AHCYL2: variants seen among roughly 807,000 people sequenced by gnomAD.
AHCYL2 encodes S-adenosylhomocysteine hydrolase-like protein 2.
A neutral mutation model predicts 81.4 loss-of-function variants in AHCYL2; 28 were observed. The ratio of observed to expected loss-of-function variants is 0.34; its 90% CI spans 0.25 to 0.47. AHCYL2 has a LOEUF of 0.47. AHCYL2 is among the 20% of genes least tolerant of loss of function. The pLI is 1.00. For missense variants in AHCYL2, 551 were observed against 785.1 expected (o/e 0.70, Z 3.56); for synonymous variants, 272 against 290.2 (o/e 0.94, Z 0.64).
At chr7:129,254,346 AT>A (rs1354081127) in intron 1 of AHCYL2, among the ~76,000 whole-genome samples, 1 of 152,142 alleles carries the variant, frequency 6.6e-6, no homozygotes, top group Non-Finnish European at 1.5e-5. Flanking sequence ...CAACAACATA[AT>A]TTTACCTTTG....
chr7:129,233,307 C>T (rs1426619168), intron 1 of AHCYL2, among the ~76,000 whole-genome samples: 2 of 152,050 alleles, frequency 1.3e-5, no homozygotes, highest in African/African-American at 4.8e-5. Flanking sequence ...GTCTCAGCCT[C>T]CTGAGTAGCC....
At chr7:129,244,438 A>G (rs1032386024) in intron 1 of AHCYL2, among the ~76,000 whole-genome samples, 3 of 152,114 alleles carry the variant, frequency 2.0e-5, no homozygotes, top group Non-Finnish European at 2.9e-5. Context: ...AATACCATAG[A>G]TAGGGAGGCT....
chr7:129,370,928 T>G (rs890634081), intron 1 of AHCYL2, among the ~76,000 whole-genome samples: 2 of 152,214 alleles, frequency 1.3e-5, no homozygotes, highest in African/African-American at 2.4e-5. Flanking sequence ...TTTGAGGCTT[T>G]CTTTCAGATA....
rs959884383 is a variant in AHCYL2, at chr7:129,397,264, T to C, written c.763T>C (p.Trp255Arg). The change falls in exon 5 of 17, where the codon TGG becomes CGG. Residue 255 changes from tryptophan to arginine, a missense_variant. Coordinates refer to ENST00000325006, the MANE Select transcript of AHCYL2 (RefSeq NM_015328.4). ...GGGTGCTCTGGGGGCCCAGTGCCGA[T>C]GGGCTGCCTGCAACATCTATTCCAC... ...TLGALGAQCRWAACNIYSTLN... is the reference protein window; with the variant it reads ...TLGALGAQCRRAACNIYSTLN... 6.2e-7 allele frequency: 1 copy of C among 1,614,194 alleles called. No individual in the cohort carries two copies. Among genetic ancestry groups the C allele is most frequent in the Non-Finnish European group, 8.5e-7 (1 of 1,180,022 alleles).
intron 1 of AHCYL2, among the ~76,000 whole-genome samples, chr7:129,338,207 GGCTGGAGTTCA>G (rs1467194482): frequency 1.3e-5 from 2 of 151,868 alleles, no homozygotes; most frequent in Non-Finnish European, 2.9e-5. Flanking sequence ...CTGTCACTCA[GGCTGGAGTTCA>G]GCTTACTATA....
chr7:129,251,648 T>C (rs1364514630), intron 1 of AHCYL2, among the ~76,000 whole-genome samples: 1 of 152,206 alleles, frequency 6.6e-6, no homozygotes, highest in Non-Finnish European at 1.5e-5. Context: ...TGTGCGCCAC[T>C]GTGCCTGGCC....
intron 4 of AHCYL2, among the ~76,000 whole-genome samples, chr7:129,395,058 T>C (rs1339531848): frequency 6.6e-6 from 1 of 152,138 alleles, no homozygotes; most frequent in Non-Finnish European, 1.5e-5. Context: ...GGTAGTATAT[T>C]AGTTTTCGTT....
chr7:129,284,148 G>C (rs1796543728), intron 1 of AHCYL2, among the ~76,000 whole-genome samples: 1 of 152,178 alleles, frequency 6.6e-6, no homozygotes, highest in African/African-American at 2.4e-5. Flanking sequence ...AATTCTGTTA[G>C]TGGAAGTAAT....
In AHCYL2 at chr7:129,371,745, C is replaced by T. The variant is rs1794419655; in HGVS notation, c.364-7893C>T. On this transcript the variant is annotated intron_variant, in intron 1 of 16. Coordinates refer to ENST00000325006, the MANE Select transcript of AHCYL2 (RefSeq NM_015328.4). ...TTTAATATTTCCTCCTCCTCCCACT[C>T]CAGCTCTCTGTACTTTTCCATAGGA... 3.9e-5 allele frequency among the ~76,000 whole-genome samples: 6 copies of T among 152,348 alleles called. No individual in the cohort carries two copies. The South Asian group carries it at 1.0e-3, about 26-fold the overall frequency.
intron 1 of AHCYL2, among the ~76,000 whole-genome samples, chr7:129,235,744 A>G (rs907525362): frequency 2.6e-5 from 4 of 152,194 alleles, no homozygotes; most frequent in African/African-American, 9.7e-5. Context: ...ATTGTTTTGC[A>G]GGTTCCTTTT....
In AHCYL2 at chr7:129,406,107, G is replaced by A. The variant is rs1458816680; in HGVS notation, c.1206+208G>A. Among the ~76,000 whole-genome samples the A allele has an allele frequency of 6.6e-6, 1 of 152,192 alleles. No homozygotes were observed. The highest frequency in any genetic ancestry group is 2.4e-5 in the African/African-American group (1 of 41,444). ...TAAGTTGATTTTCTGACTTGCTCCAGTACCACCGTTTGTGATGTTCTTTTT... is the reference window on the plus strand; with the variant it reads ...TAAGTTGATTTTCTGACTTGCTCCAATACCACCGTTTGTGATGTTCTTTTT... On this transcript the variant is annotated intron_variant, in intron 9 of 16. Transcript: ENST00000325006. The surrounding 1 kb of genome is among the most constrained non-coding windows in gnomAD (Gnocchi z 4.3).
intron 4 of AHCYL2, 82 bp from the exon 5 acceptor site, chr7:129,397,140 G>A: frequency 8.3e-7 from 1 of 1,208,950 alleles, no homozygotes; most frequent in Non-Finnish European, 1.2e-6. Flanking sequence ...TGTATTTTCT[G>A]ATTGTAAAAT....
In AHCYL2 at chr7:129,359,235, G is replaced by GA. The variant is rs200020655; in HGVS notation, c.364-20396dup. On this transcript the variant is annotated intron_variant, in intron 1 of 16. Transcript: ENST00000325006. ...ACAATTCTTAAAAATACATTAAAAA[G>GA]AAAAAAAGACACCTTAAATATTTTA... Among the ~76,000 whole-genome samples the GA allele has an allele frequency of 5.1e-3, 774 of 151,982 alleles. 2 individuals carry two copies. The Middle Eastern group carries it at 0.065, about 13-fold the overall frequency.
intron 1 of AHCYL2, among the ~76,000 whole-genome samples, chr7:129,304,502 T>C (rs896859475): frequency 4.6e-5 from 7 of 152,232 alleles, no homozygotes; most frequent in South Asian, 2.1e-4. Flanking sequence ...AGCTAGCTAT[T>C]GTTTTGGAGT....
intron 1 of AHCYL2, among the ~76,000 whole-genome samples, chr7:129,346,824 CT>C (rs948978677): frequency 6.6e-6 from 1 of 152,172 alleles, no homozygotes; most frequent in Non-Finnish European, 1.5e-5. Flanking sequence ...ACACAAAAAC[CT>C]GCTCACAGGT....
At chr7:129,389,498 G>T in intron 3 of AHCYL2, 136 bp from the exon 4 acceptor site, 1 of 767,308 alleles carries the variant, frequency 1.3e-6, no homozygotes. Flanking sequence ...CAGGTTTAAT[G>T]TCTTGATCCC....
At chr7:129,379,380 C>T (rs1794842054) in intron 1 of AHCYL2, among the ~76,000 whole-genome samples, 1 of 151,532 alleles carries the variant, frequency 6.6e-6, no homozygotes, top group Non-Finnish European at 1.5e-5. Flanking sequence ...TGCTTGTAGT[C>T]CCAGCTGTGT....
intron 1 of AHCYL2, among the ~76,000 whole-genome samples, chr7:129,305,902 T>C (rs1431060386): frequency 1.3e-5 from 2 of 152,244 alleles, no homozygotes; most frequent in African/African-American, 4.8e-5. Flanking sequence ...TTCAACACTT[T>C]AAATATGTCA....
intron 1 of AHCYL2, among the ~76,000 whole-genome samples, chr7:129,269,131 GTTTT>G (rs55981012): frequency 1.4e-5 from 2 of 139,326 alleles, no homozygotes; most frequent in Admixed American, 7.2e-5. Flanking sequence ...AATGATTCCT[GTTTT>G]TTTTTTTTTT....
Sources: allele counts gnomAD v4.1 joint callset (sites outside exome capture counted in the v4.1 genomes callset), GRCh38; gene constraint gnomAD v4.1.1; non-coding constraint Gnocchi (gnomAD v3.1); transcripts MANE v1.5; gene names NCBI Gene and HGNC (gene_info 2026-07-23, HGNC 2026-07-21).